CSMD2: variants seen among roughly 807,000 people sequenced by gnomAD.
The protein encoded by CSMD2 is CUB and Sushi multiple domains 2.
CSMD2 carries 130 observed loss-of-function variants against 398.5 expected under a neutral mutation model. That is an observed-to-expected ratio of 0.33 (90% CI 0.28 to 0.38). The LOEUF is 0.38. CSMD2 is among the 10% of genes least tolerant of loss of function. CSMD2 has a pLI of 1.00. For synonymous variants in CSMD2, 1,828 were observed against 1,908.5 expected, an observed-to-expected ratio of 0.96 and a Z score of 1.10; for missense variants, 3,829 against 4,764.9, an observed-to-expected ratio of 0.80 and a Z score of 5.78.
Position 33,686,088 on chromosome 1 carries a change from A to G in CSMD2, c.4052+6842T>C, listed in dbSNP as rs141842914. 4.6e-5 allele frequency among the ~76,000 whole-genome samples: 7 copies of G among 152,286 alleles called. No homozygotes were observed. In the East Asian group the frequency reaches 1.4e-3, roughly 29 times the overall value. On this transcript the variant is annotated intron_variant, in intron 25 of 70. Transcript: ENST00000373381. ...CATTCATTCTTTCTGGGCCTCGATG[A>G]TCTCATCTATAAAATGGGGACAGTA...
At chr1:34,056,955 T>C (rs761356162) in intron 2 of CSMD2, among the ~76,000 whole-genome samples, 5 of 152,178 alleles carry the variant, frequency 3.3e-5, no homozygotes, top group African/African-American at 4.8e-5. Flanking sequence ...CTCAGAGTCA[T>C]CCTATTACAG....
intron 46 of CSMD2, among the ~76,000 whole-genome samples, chr1:33,586,035 G>A (rs1339802626): frequency 3.3e-5 from 5 of 152,210 alleles, no homozygotes; most frequent in South Asian, 2.1e-4. Context: ...GGGGTGACTC[G>A]CTGAAGCGAA....
In CSMD2 at chr1:33,557,774, C is replaced by T; in HGVS notation, c.8703G>A (p.Gln2901=). 6.5e-7 allele frequency: 1 copy of T among 1,536,114 alleles called. No individual in the cohort carries two copies. Among genetic ancestry groups the T allele is most frequent in the Non-Finnish European group, 8.7e-7 (1 of 1,146,906 alleles). The part of the protein sequence containing the change: ...YLLGTPVLSC[Q]GDGTWDRPRP... ...GGGGACGGTCCCATGTGCCATCTCC[C>T]TGGCAGCTGAGCACTGGGGTGCCCA... Residue 2901 remains glutamine, a synonymous_variant, in exon 55 of 71, where the codon CAG becomes CAA. Transcript: ENST00000373381.
rs548017735 is a variant in CSMD2, at chr1:33,525,798, C to G, written c.10235-755G>C. 5.3e-5 allele frequency among the ~76,000 whole-genome samples: 8 copies of G among 152,302 alleles called. No homozygotes were observed. In the South Asian group the frequency reaches 1.7e-3, roughly 32 times the overall value. On this transcript the variant is annotated intron_variant, in intron 65 of 70. Transcript: ENST00000373381. ...CTCCCAGGTTCAAGCAATTCTCCTG[C>G]CTTAGCCTCCCAAGTAGCTGGGATT... is the stretch of plus-strand genomic sequence containing the variant.
At chr1:33,578,463 A>G (rs1638453004) in intron 48 of CSMD2, among the ~76,000 whole-genome samples, 1 of 152,154 alleles carries the variant, frequency 6.6e-6, no homozygotes, top group Non-Finnish European at 1.5e-5. Context: ...CCGTAGTCCC[A>G]GCTACTCGGG....
chr1:33,988,208 G>A (rs1257675560), intron 3 of CSMD2, among the ~76,000 whole-genome samples: 1 of 152,196 alleles, frequency 6.6e-6, no homozygotes, highest in Non-Finnish European at 1.5e-5. Flanking sequence ...TGAAATCTGC[G>A]AAAGTCACTC....
intron 22 of CSMD2, among the ~76,000 whole-genome samples, chr1:33,706,777 T>C (rs979413271): frequency 6.6e-6 from 1 of 151,914 alleles, no homozygotes; most frequent in Non-Finnish European, 1.5e-5. Flanking sequence ...TGTGTGTGTG[T>C]GTGCATGTAC....
At position 33,515,609 on chromosome 1, in the gene CSMD2, T is replaced by C. The variant is rs1023028898; in HGVS notation, c.*1015A>G. ...TAACAAATCCTACATTTTGGTGTTA[T>C]TGTGCAGACTAGAAATACTACAGGT... On this transcript the variant is annotated 3_prime_UTR_variant, in exon 71 of 71. Coordinates refer to ENST00000373381, the MANE Select transcript of CSMD2 (RefSeq NM_001281956.2). 1 of 152,210 alleles carries C rather than the reference T, an allele frequency of 6.6e-6. No homozygotes were observed. The highest frequency in any genetic ancestry group is 1.5e-5 in the Non-Finnish European group (1 of 68,036). 9.4% of individuals were successfully genotyped at this position (152,210 alleles called of 1,614,324 possible).
At chr1:33,605,870 A>G in intron 41 of CSMD2, 1 of 1,613,116 alleles carries the variant, frequency 6.2e-7, no homozygotes, top group Non-Finnish European at 8.5e-7. Context: ...AACCTTCACA[A>G]CCAGGATCAA....
chr1:34,093,849 G>A (rs1038521800), intron 1 of CSMD2, among the ~76,000 whole-genome samples: 8 of 152,248 alleles, frequency 5.3e-5, no homozygotes, highest in East Asian at 3.9e-4. Flanking sequence ...ATATTATCCC[G>A]GAGAATTTCC....
intron 53 of CSMD2, among the ~76,000 whole-genome samples, chr1:33,560,519 T>G (rs1044028431): frequency 3.9e-5 from 6 of 152,232 alleles, no homozygotes; most frequent in Non-Finnish European, 7.3e-5. Flanking sequence ...CTCAGGGCCT[T>G]TGCACTTGCT....
intron 3 of CSMD2, among the ~76,000 whole-genome samples, chr1:33,970,474 C>A (rs563408467): frequency 6.6e-6 from 1 of 152,290 alleles, no homozygotes; most frequent in African/African-American, 2.4e-5. Context: ...CCAATGGCAC[C>A]CAAGCCTGAG....
chr1:34,100,194 C>T (rs1252044307), intron 1 of CSMD2, among the ~76,000 whole-genome samples: 1 of 152,044 alleles, frequency 6.6e-6, no homozygotes, highest in Non-Finnish European at 1.5e-5. Flanking sequence ...TTTAAAAAGG[C>T]AATGTGGACT....
intron 52 of CSMD2, 100 bp from the exon 53 acceptor site, chr1:33,567,941 C>A (rs1659211953): frequency 7.2e-7 from 1 of 1,398,374 alleles, no homozygotes; most frequent in Non-Finnish European, 9.6e-7. Flanking sequence ...ACTTCAGGAA[C>A]CCTCAGCATG....
chr1:33,720,399 A>C (rs1646320912), intron 19 of CSMD2, among the ~76,000 whole-genome samples: 3 of 152,194 alleles, frequency 2.0e-5, no homozygotes, highest in Non-Finnish European at 4.4e-5. Flanking sequence ...AGCCCAACCT[A>C]GATGCAGAGC....
Position 33,577,401 on chromosome 1 carries a change from A to C in CSMD2, c.7471T>G (p.Phe2491Val). ...AGGCGGTAGCCGGCGTTGCAGCCAA[A>C]GTGGATGGAGCCCCCGGGCTGGGTG... Reference protein sequence around the residue: ...TSTQPGGSIHFGCNAGYRLVG... With the variant: ...TSTQPGGSIHVGCNAGYRLVG... The change falls in exon 49 of 71, where the codon TTT becomes GTT. Residue 2491 changes from phenylalanine to valine, a missense_variant. Around this residue, in one of 5 missense-constraint regions of CSMD2, gnomAD observed 723 missense variants for 758.6 expected, o/e 0.95. Transcript: ENST00000373381. 4 of 1,614,106 alleles carry C rather than the reference A, an allele frequency of 2.5e-6. No individual in the cohort carries two copies. Among genetic ancestry groups the C allele is most frequent in the South Asian group, 1.1e-5 (1 of 91,072 alleles).
intron 44 of CSMD2, among the ~76,000 whole-genome samples, chr1:33,593,877 G>T (rs1639664839): frequency 6.6e-6 from 1 of 151,766 alleles, no homozygotes; most frequent in Admixed American, 6.6e-5. Flanking sequence ...TAGTGATTTA[G>T]AAGTACTATA....
At chr1:33,981,919 A>T (rs1646183799) in intron 3 of CSMD2, among the ~76,000 whole-genome samples, 1 of 152,162 alleles carries the variant, frequency 6.6e-6, no homozygotes, top group South Asian at 2.1e-4. Flanking sequence ...AGGGCTGAGA[A>T]AGGGCAGAGA....
At chr1:33,768,422 C>T (rs1201971967) in intron 13 of CSMD2, among the ~76,000 whole-genome samples, 1 of 151,940 alleles carries the variant, frequency 6.6e-6, no homozygotes, top group Admixed American at 6.6e-5. Flanking sequence ...ATTATCTAGG[C>T]CAAAATATCA....
Sources: allele counts gnomAD v4.1 joint callset (sites outside exome capture counted in the v4.1 genomes callset), GRCh38; gene constraint gnomAD v4.1.1; regional missense constraint gnomAD v4.1.1; transcripts MANE v1.5; gene names NCBI Gene and HGNC (gene_info 2026-07-23, HGNC 2026-07-21).